The following NKAIN2 variants were observed in gnomAD, a reference collection of about 807,000 sequenced individuals.
NKAIN2 encodes sodium/potassium transporting ATPase interacting 2.
A neutral mutation model predicts 32.6 loss-of-function variants in NKAIN2; 14 were observed. The ratio of observed to expected loss-of-function variants is 0.43; its 90% CI spans 0.28 to 0.67. NKAIN2 has a LOEUF of 0.67. NKAIN2 is among the 30% of genes least tolerant of loss of function. NKAIN2 has a pLI of 0.17. For synonymous variants in NKAIN2, 80 were observed against 87.2 expected, an observed-to-expected ratio of 0.92 and a Z score of 0.46; for missense variants, 198 against 258.3, an observed-to-expected ratio of 0.77 and a Z score of 1.60.
intron 2 of NKAIN2, among the ~76,000 whole-genome samples, chr6:124,328,860 C>T (rs1583056552): frequency 6.6e-6 from 1 of 152,094 alleles, no homozygotes; most frequent in East Asian, 1.9e-4. Flanking sequence ...GAGCTTAATC[C>T]TAAAGGGGAG....
chr6:124,337,508 A>G (rs1047297092), intron 2 of NKAIN2, among the ~76,000 whole-genome samples: 1 of 152,206 alleles, frequency 6.6e-6, no homozygotes, highest in Non-Finnish European at 1.5e-5. Context: ...CCCTGTCTCA[A>G]AAAACCAAAC....
chr6:124,427,134 A>G (rs1166648821), intron 3 of NKAIN2, among the ~76,000 whole-genome samples: 2 of 152,216 alleles, frequency 1.3e-5, no homozygotes, highest in East Asian at 1.9e-4. Context: ...GTTATAACAC[A>G]TATCTTGGAT....
At chr6:124,420,699 G>T (rs892148664) in intron 3 of NKAIN2, among the ~76,000 whole-genome samples, 1 of 152,064 alleles carries the variant, frequency 6.6e-6, no homozygotes, top group Non-Finnish European at 1.5e-5. Flanking sequence ...TAATCCATTT[G>T]CTTTGCGGGG....
At chr6:124,138,618 AATAT>A (rs1786958505) in intron 1 of NKAIN2, among the ~76,000 whole-genome samples, 1 of 140,914 alleles carries the variant, frequency 7.1e-6, no homozygotes, top group Admixed American at 7.1e-5. Flanking sequence ...GTGGATAAAG[AATAT>A]ATAATAATAA....
chr6:124,365,707 C>T (rs1386701879), intron 3 of NKAIN2, among the ~76,000 whole-genome samples: 1 of 151,682 alleles, frequency 6.6e-6, no homozygotes. Flanking sequence ...GAATACACTC[C>T]ACCAAACAAA....
chr6:124,478,644 G>A (rs1777326653), intron 3 of NKAIN2, among the ~76,000 whole-genome samples: 1 of 152,124 alleles, frequency 6.6e-6, no homozygotes, highest in Admixed American at 6.6e-5. Flanking sequence ...TATAATCTGA[G>A]GTATAAAGTA....
intron 3 of NKAIN2, among the ~76,000 whole-genome samples, chr6:124,359,612 A>G (rs1799170848): frequency 6.6e-6 from 1 of 152,102 alleles, no homozygotes; most frequent in Admixed American, 6.6e-5. Context: ...TGATTTTTGC[A>G]CATTCATTTT....
chr6:123,976,360 TATATATATTCCC>T lies in NKAIN2; in HGVS notation c.54+172115_54+172126del, dbSNP rs1246855311. 2.1e-3 allele frequency among the ~76,000 whole-genome samples: 64 copies of T among 29,808 alleles called. 1 individual carries two copies. The highest frequency in any genetic ancestry group is 5.2e-3 in the African/African-American group (33 of 6,344). 19.6% of individuals were successfully genotyped at this position (29,808 alleles called of 152,430 possible). ...ATATATATGTTCCCATATATATATA[TATATATATTCCC>T]ATATATATATATATATATATATATA... is the stretch of plus-strand genomic sequence containing the variant. On this transcript the variant is annotated intron_variant, in intron 1 of 6. Coordinates refer to ENST00000368417, the MANE Select transcript of NKAIN2 (RefSeq NM_001040214.3).
intron 1 of NKAIN2, among the ~76,000 whole-genome samples, chr6:124,213,041 T>G (rs1791270856): frequency 6.6e-6 from 1 of 152,186 alleles, no homozygotes; most frequent in Non-Finnish European, 1.5e-5. Context: ...CTTCTACCTG[T>G]AGGTCTTCTC....
intron 1 of NKAIN2, among the ~76,000 whole-genome samples, chr6:123,808,186 C>T (rs901902778): frequency 2.6e-5 from 4 of 152,028 alleles, no homozygotes; most frequent in African/African-American, 9.7e-5. Flanking sequence ...TATGATATTC[C>T]TGGTATACTT....
At chr6:124,457,750 A>C (rs143236671) in intron 3 of NKAIN2, among the ~76,000 whole-genome samples, 308 of 151,986 alleles carry the variant, frequency 2.0e-3, no homozygotes, top group African/African-American at 7.1e-3. Flanking sequence ...TATTCATTCA[A>C]AGTGTTATTA....
intron 3 of NKAIN2, among the ~76,000 whole-genome samples, chr6:124,537,718 C>T (rs948779567): frequency 1.3e-5 from 2 of 152,100 alleles, no homozygotes; most frequent in African/African-American, 2.4e-5. Context: ...TCTCTCTCTC[C>T]TCTCATCTTT....
At chr6:124,299,873 G>A (rs181659505) in intron 2 of NKAIN2, among the ~76,000 whole-genome samples, 2 of 152,252 alleles carry the variant, frequency 1.3e-5, no homozygotes, top group African/African-American at 4.8e-5. Context: ...GTACTTTGTC[G>A]AATAATCTAT....
At chr6:124,672,615 T>C (rs532599222) in intron 4 of NKAIN2, among the ~76,000 whole-genome samples, 1 of 152,216 alleles carries the variant, frequency 6.6e-6, no homozygotes, top group African/African-American at 2.4e-5. Flanking sequence ...CATGAATATT[T>C]ATAATATATC....
At chr6:124,181,993 C>T (rs1331329586) in intron 1 of NKAIN2, among the ~76,000 whole-genome samples, 5 of 152,074 alleles carry the variant, frequency 3.3e-5, no homozygotes, top group African/African-American at 1.2e-4. Context: ...TTAGTCTGTT[C>T]TCTAATAAAG....
chr6:124,123,544 G>A (rs1449365282), intron 1 of NKAIN2, among the ~76,000 whole-genome samples: 1 of 151,920 alleles, frequency 6.6e-6, no homozygotes, highest in Non-Finnish European at 1.5e-5. Flanking sequence ...ATGTGCATTT[G>A]TTGCGCATTC....
chr6:124,548,326 T>C (rs557210127), intron 3 of NKAIN2, among the ~76,000 whole-genome samples: 1 of 152,324 alleles, frequency 6.6e-6, no homozygotes, highest in East Asian at 1.9e-4. Context: ...ATTTTAAATA[T>C]AGTAACAGGA....
chr6:123,894,408 A>G (rs1370560737), intron 1 of NKAIN2, among the ~76,000 whole-genome samples: 2 of 152,180 alleles, frequency 1.3e-5, no homozygotes, highest in African/African-American at 2.4e-5. Flanking sequence ...CATTATGTTG[A>G]TAGAGAAACA....
chr6:124,007,724 C>T (rs969356100), intron 1 of NKAIN2, among the ~76,000 whole-genome samples: 6 of 152,168 alleles, frequency 3.9e-5, no homozygotes, highest in Non-Finnish European at 5.9e-5. Flanking sequence ...CAACGACTTA[C>T]ATTGAACACC....
Sources: allele counts gnomAD v4.1 joint callset (sites outside exome capture counted in the v4.1 genomes callset), GRCh38; gene constraint gnomAD v4.1.1; transcripts MANE v1.5; gene names NCBI Gene and HGNC (gene_info 2026-07-23, HGNC 2026-07-21).